GPR89B: variants seen among roughly 807,000 people sequenced by gnomAD.
GPR89B encodes golgi pH regulator B.
GPR89B carries 25 observed loss-of-function variants against 52.4 expected under a neutral mutation model. The observed-to-expected ratio is 0.48, with a 90% CI of 0.35 to 0.67. The LOEUF (loss-of-function observed/expected upper bound fraction) is 0.67, where lower values mean the gene tolerates loss of function less well. Ranked by LOEUF, GPR89B falls within the 30% of genes least tolerant of loss-of-function variation. The pLI, the probability that GPR89B is intolerant of heterozygous loss-of-function variation, is 0.01. For synonymous variants in GPR89B, 52 were observed against 151.2 expected (o/e 0.34, Z 4.81); for missense variants, 146 against 450.2 (o/e 0.32, Z 6.11).
chr1:147,994,563 A>G (rs1659268769), downstream of GPR89B, among the ~76,000 whole-genome samples: 1 of 152,166 alleles, frequency 6.6e-6, no homozygotes, highest in African/African-American at 2.4e-5. Flanking sequence ...GAAGAGCCTG[A>G]ATCAGATGAT....
chr1:147,944,849 A>T (rs1335146677), intron 5 of GPR89B, among the ~76,000 whole-genome samples: 1 of 150,794 alleles, frequency 6.6e-6, no homozygotes, highest in African/African-American at 2.4e-5. Flanking sequence ...TAGAGAGCCC[A>T]TCTGTAATAA....
the GPR89B span, chr1:148,011,608 G>A: frequency 6.6e-6 from 1 of 152,328 alleles, no homozygotes; most frequent in Non-Finnish European, 1.5e-5. Context: ...GGAGGATCGT[G>A]GGGAGACGAG....
the GPR89B span, among the ~76,000 whole-genome samples, chr1:148,019,735 T>C: frequency 6.6e-6 from 1 of 152,038 alleles, no homozygotes; most frequent in African/African-American, 2.4e-5. Flanking sequence ...GAACGCTTTA[T>C]GTTAACTAGA....
the GPR89B span, chr1:148,009,261 A>T: frequency 6.8e-7 from 1 of 1,480,298 alleles, no homozygotes; most frequent in East Asian, 2.3e-5. Context: ...AAGAAAAGTC[A>T]TTAACCAGTA....
chr1:147,937,740 GTTA>G (rs1293731450), intron 2 of GPR89B, among the ~76,000 whole-genome samples: 1 of 152,156 alleles, frequency 6.6e-6, no homozygotes, highest in Non-Finnish European at 1.5e-5. Context: ...GAAAATTGCT[GTTA>G]TTCTGTTCTT....
chr1:148,019,481 T>C, the GPR89B span, among the ~76,000 whole-genome samples: 1 of 151,874 alleles, frequency 6.6e-6, no homozygotes, highest in Non-Finnish European at 1.5e-5. Context: ...ATGCTGGGCT[T>C]AGTACCTGAG....
intron 10 of GPR89B, among the ~76,000 whole-genome samples, chr1:147,975,201 G>C (rs1657750434): frequency 7.4e-6 from 1 of 134,230 alleles, no homozygotes; most frequent in South Asian, 2.7e-4. Flanking sequence ...ATGAGTTAGG[G>C]AGGAGTCCCT....
chr1:147,941,604 C>T (rs1654564832), intron 3 of GPR89B, among the ~76,000 whole-genome samples: 1 of 150,076 alleles, frequency 6.7e-6, no homozygotes, highest in East Asian at 2.0e-4. Flanking sequence ...CTGTTAATTG[C>T]CTTTGCATTT....
chr1:147,949,599 C>T (rs1239386668), intron 5 of GPR89B, among the ~76,000 whole-genome samples: 47 of 136,478 alleles, frequency 3.4e-4, no homozygotes, highest in African/African-American at 1.2e-3. Context: ...CCCTCCAGGA[C>T]CGGGCAGCTG....
chr1:148,020,807 C>T, the GPR89B span, among the ~76,000 whole-genome samples: 1 of 151,882 alleles, frequency 6.6e-6, no homozygotes, highest in Non-Finnish European at 1.5e-5. Flanking sequence ...CATGCCTCAG[C>T]CTCCCAGGTA....
intron 10 of GPR89B, among the ~76,000 whole-genome samples, chr1:147,970,302 C>T (rs1657321075): frequency 6.6e-6 from 1 of 151,968 alleles, no homozygotes; most frequent in Admixed American, 6.6e-5. Flanking sequence ...TCGAGAACAG[C>T]CTGGCCAACA....
At chr1:147,981,032 G>A (rs1220155639) in intron 10 of GPR89B, among the ~76,000 whole-genome samples, 1 of 151,382 alleles carries the variant, frequency 6.6e-6, no homozygotes, top group Non-Finnish European at 1.5e-5. Flanking sequence ...AATGGGGTTG[G>A]GGGGGGCTTT....
intron 10 of GPR89B, among the ~76,000 whole-genome samples, chr1:147,980,818 CAAAAAAAA>C (rs1176400328): frequency 3.1e-4 from 7 of 22,566 alleles, no homozygotes; most frequent in African/African-American, 1.0e-3. Context: ...GACTCCGTCT[CAAAAAAAA>C]AAAAAAAAAA....
At chr1:147,967,156 G>A (rs1456161049) in intron 8 of GPR89B, 4 of 175,494 alleles carry the variant, frequency 2.3e-5, no homozygotes, top group Admixed American at 1.6e-4. Flanking sequence ...GAGGCTGGGC[G>A]CAGTGGCTCA....
rs587677524 is a variant in GPR89B at position 147,940,800 on chromosome 1, G to C, written c.206+1983G>C. On this transcript the variant is annotated intron_variant, in intron 3 of 13. Coordinates refer to ENST00000314163, the MANE Select transcript of GPR89B (RefSeq NM_016334.5). ...ATACAGAGGATTCAGATATTCTAAA[G>C]CTATATTTACTGTTTTTGGTAGATG... Among the ~76,000 whole-genome samples, 51 of 151,526 alleles carry C rather than the reference G, an allele frequency of 3.4e-4. 1 individual carries two copies. The highest frequency in any genetic ancestry group is 1.0e-3 in the African/African-American group (42 of 41,256).
rs1250462270 is a variant in GPR89B at position 147,968,866 on chromosome 1, C to G, written c.728-9C>G. 3 of 1,612,586 alleles carry G rather than the reference C, an allele frequency of 1.9e-6. No individual in the cohort carries two copies. Among genetic ancestry groups the G allele is most frequent in the African/African-American group, 2.7e-5 (2 of 74,498 alleles). On this transcript the variant is annotated splice_polypyrimidine_tract_variant and intron_variant, in intron 8 of 13. Transcript: ENST00000314163. ...TGTGATTAAAACCTTGATGCCCATT[C>G]TGTGCCAGATCTTACTCTTATTCAA...
chr1:147,997,054 G>T (rs1250320931), downstream of GPR89B, among the ~76,000 whole-genome samples: 3 of 152,220 alleles, frequency 2.0e-5, no homozygotes, highest in Non-Finnish European at 4.4e-5. Flanking sequence ...TTGAGTTCAT[G>T]ATAGTGAGCA....
At chr1:147,986,435 A>T (rs1413492013) in intron 11 of GPR89B, 141 bp downstream of exon 11, 764 of 674,332 alleles carry the variant, frequency 1.1e-3, no homozygotes, top group Admixed American at 4.5e-3. Context: ...TGACGTATTC[A>T]CATGGAAAAT....
chr1:148,011,463 C>G, the GPR89B span: 1 of 152,238 alleles, frequency 6.6e-6, no homozygotes, highest in Admixed American at 6.5e-5. Flanking sequence ...GATTCTCGTG[C>G]TGGACTTTCC....
Sources: allele counts gnomAD v4.1 joint callset (sites outside exome capture counted in the v4.1 genomes callset), GRCh38; gene constraint gnomAD v4.1.1; transcripts MANE v1.5; gene names NCBI Gene and HGNC (gene_info 2026-07-23, HGNC 2026-07-21).